Variants in FADS2 observed in about 807,000 individuals in gnomAD.
FADS2 encodes fatty acid desaturase 2, also known as acyl-CoA 6-desaturase.
A neutral mutation model predicts 61.2 loss-of-function variants in FADS2; 18 were observed. That is an observed-to-expected ratio of 0.29 (90% CI 0.20 to 0.44). The LOEUF (loss-of-function observed/expected upper bound fraction) is 0.44. Among genes scored for constraint, FADS2 ranks in the 20% least tolerant of loss-of-function variants. The pLI is 1.00. For synonymous variants in FADS2, 203 were observed against 223.9 expected (o/e 0.91, Z 0.83); for missense variants, 322 against 572.7 (o/e 0.56, Z 4.47).
At chr11:61,817,100 C>A in intron 1 of FADS2, 1 of 692,128 alleles carries the variant, frequency 1.4e-6, no homozygotes, top group Non-Finnish European at 2.1e-6. Flanking sequence ...CAGGGGGCGC[C>A]GCGGTAGGAA....
chr11:61,848,596 C>T (rs2067280779), intron 5 of FADS2: 1 of 320,452 alleles, frequency 3.1e-6, no homozygotes, highest in Non-Finnish European at 5.9e-6. Flanking sequence ...CCTGTAAATA[C>T]AGACACAGCT....
In FADS2 at chr11:61,866,918, C is replaced by G. The variant is rs1415612652; in HGVS notation, c.*1229C>G. On this transcript the variant is annotated 3_prime_UTR_variant, in exon 12 of 12. Transcript: ENST00000278840. ...AGCGGGAGGGAGTCTCAGGAGGAGG[C>G]TGCCCTGAGGGGCTGGGGAGGGGGT... is the stretch of plus-strand genomic sequence containing the variant. 6.6e-6 allele frequency: 1 copy of G among 152,580 alleles called. No individual in the cohort carries two copies. Among genetic ancestry groups the G allele is most frequent in the African/African-American group, 2.4e-5 (1 of 41,350 alleles). 9.5% of individuals were successfully genotyped at this position (152,580 alleles called of 1,614,324 possible).
At chr11:61,836,490 C>G (rs1432425719) in intron 1 of FADS2, among the ~76,000 whole-genome samples, 3 of 152,178 alleles carry the variant, frequency 2.0e-5, no homozygotes, top group Admixed American at 6.5e-5. Context: ...CCTCAGCCTC[C>G]CGAGTAACTG....
upstream of FADS2, among the ~76,000 whole-genome samples, chr11:61,823,442 A>G (rs1307138548): frequency 6.6e-6 from 1 of 152,198 alleles, no homozygotes; most frequent in Non-Finnish European, 1.5e-5. Flanking sequence ...AGCACTAGCA[A>G]TCTGTGCTTT....
At chr11:61,828,123 A>G (rs1012624556), upstream of FADS2, 28 of 1,363,250 alleles carry the variant, frequency 2.1e-5, no homozygotes, top group East Asian at 6.0e-5. The surrounding 1 kb of genome is among the most constrained non-coding windows in gnomAD (Gnocchi z 6.4). Flanking sequence ...GCAAAAGTCC[A>G]TAGCGGGAGG....
chr11:61,842,602 C>T (rs927187520), intron 4 of FADS2, among the ~76,000 whole-genome samples: 3 of 152,140 alleles, frequency 2.0e-5, no homozygotes, highest in South Asian at 2.1e-4. Flanking sequence ...CCATGTAGAA[C>T]GTGGATGACA....
rs766551577 is a variant in FADS2 at position 61,857,514 on chromosome 11, T to C, written c.866T>C (p.Val289Ala). 2 of 1,613,746 alleles carry C rather than the reference T, an allele frequency of 1.2e-6. No individual in the cohort carries two copies. The highest frequency in any genetic ancestry group is 4.5e-5 in the East Asian group (2 of 44,890). ...FQYQIIMTMI[V>A]HKNWVDLAWA... ...TACCAGATCATCATGACCATGATCG[T>C]CCATAAGAACTGGGTGGTGAGTTGG... Residue 289 changes from valine (V) to alanine (A), a missense_variant, in exon 7 of 12, where the codon GTC (valine) becomes GCC (alanine). By Grantham distance (64) the Val-to-Ala change is moderately conservative. This residue lies in a region of FADS2 where 221 missense variants were observed against 427.9 expected (regional missense o/e 0.52). Coordinates refer to ENST00000278840, the MANE Select transcript of FADS2 (RefSeq NM_004265.4).
chr11:61,839,707 C>T (rs998871691), intron 2 of FADS2, among the ~76,000 whole-genome samples: 1 of 152,246 alleles, frequency 6.6e-6, no homozygotes, highest in Non-Finnish European at 1.5e-5. Flanking sequence ...TCACCACCAT[C>T]CAGTTCTCAT....
chr11:61,865,458 C>A lies in FADS2; in HGVS notation c.1284-180C>A. On this transcript the variant is annotated intron_variant, in intron 11 of 11. Transcript: ENST00000278840. The surrounding 1 kb of genome is among the most constrained non-coding windows in gnomAD (Gnocchi z 4.1). Reference sequence around the variant, plus strand: ...TGGGCTGCGAGAAGACCATCCCTTTCTGTGTGGGGTTCCTGGTGGGCTCTG... The same window carrying A: ...TGGGCTGCGAGAAGACCATCCCTTTATGTGTGGGGTTCCTGGTGGGCTCTG... 1 of 961,610 alleles carries A rather than the reference C, an allele frequency of 1.0e-6. No homozygotes were observed. Among genetic ancestry groups the A allele is most frequent in the Non-Finnish European group, 1.5e-6 (1 of 645,942 alleles). The allele number at this position is 961,610 out of a possible 1,614,324, so 59.6% of individuals were successfully genotyped here. A position where few individuals can be genotyped will look rare whatever the true frequency, so the allele number is the denominator to read the frequency against.
chr11:61,827,130 TC>T (rs34412398), upstream of FADS2, among the ~76,000 whole-genome samples: 1 of 151,730 alleles, frequency 6.6e-6, no homozygotes, highest in Non-Finnish European at 1.5e-5. This position sits in a 1 kb window ranked among gnomAD's most constrained non-coding sequence, Gnocchi z 4.5. Flanking sequence ...CAGGCCCATT[TC>T]CCCCAGGACG....
At position 61,837,881 on chromosome 11, in the gene FADS2, G is replaced by C; in HGVS notation, c.311G>C (p.Gly104Ala). 6.2e-7 allele frequency: 1 copy of C among 1,612,020 alleles called. No individual in the cohort carries two copies. Among genetic ancestry groups the C allele is most frequent in the East Asian group, 2.2e-5 (1 of 44,826 alleles). Residue 104 changes from glycine to alanine, a missense_variant, in exon 2 of 12, where the codon GGC becomes GCC. By Grantham distance (60) the Gly-to-Ala change is moderately conservative (BLOSUM62 0). This residue lies in a region of FADS2 where 40 missense variants were observed against 37.3 expected (regional missense o/e 1.07). Transcript: ENST00000278840. ...LAPEEPSQDH[G>A]KNSKITEDFR... ...CCGGAGGAGCCCAGCCAGGACCACG[G>C]CAAGAACGTAAGTCTGGCTTGCAAC...
In FADS2 at chr11:61,828,413, G is replaced by A. The variant is rs764798374; in HGVS notation, c.23G>A (p.Gly8Asp). The A allele has an allele frequency of 9.5e-6, 15 of 1,573,428 alleles. No homozygotes were observed. The highest frequency in any genetic ancestry group is 3.6e-4 in the Middle Eastern group (2 of 5,482). MGKGGNQ[G>D]EGAAEREVSV... is the part of the protein sequence containing the mutation. ...AGCATGGGGAAGGGAGGGAACCAGG[G>A]CGAGGGGGCCGCCGAGCGCGAGGTG... is the stretch of plus-strand genomic sequence containing the variant. Residue 8 changes from glycine (G) to aspartate (D), a missense_variant, in exon 1 of 12, where the codon GGC (glycine) becomes GAC (aspartate). Transcript: ENST00000278840. The surrounding 1 kb of genome is among the most constrained non-coding windows in gnomAD (Gnocchi z 6.4).
upstream of FADS2, chr11:61,828,042 G>A (rs2067097455): frequency 1.7e-6 from 2 of 1,171,550 alleles, no homozygotes; most frequent in Non-Finnish European, 1.1e-6. The surrounding 1 kb of genome is among the most constrained non-coding windows in gnomAD (Gnocchi z 6.4). Context: ...TGGAACCCGA[G>A]GCGGGGGGAG....
chr11:61,857,021 A>G lies in FADS2; in HGVS notation c.755A>G (p.Lys252Arg), dbSNP rs569870366. The change falls in exon 6 of 12, where the codon AAG (lysine) becomes AGG (arginine). Residue 252 changes from lysine to arginine, a missense_variant. By Grantham distance (26) the Lys-to-Arg change is conservative. Transcript: ENST00000278840. ...GEWQPIEYGK[K>R]KLKYLPYNHQ... ...CTCCTCTCTCCTCAGTACGGCAAGA[A>G]GAAGCTGAAATACCTGCCCTACAAT... The G allele has an allele frequency of 1.9e-6, 3 of 1,613,996 alleles. No homozygotes were observed. The highest frequency in any genetic ancestry group is 4.5e-5 in the East Asian group (2 of 44,874).
Position 61,840,331 on chromosome 11 carries a change from C to T in FADS2, c.319-3C>T. On this transcript the variant is annotated splice_polypyrimidine_tract_variant and splice_region_variant and intron_variant, in intron 2 of 11. Coordinates refer to ENST00000278840, the MANE Select transcript of FADS2 (RefSeq NM_004265.4). ...CTCCTTTCCCTGTGCTCTTGGTCAA[C>T]AGTCAAAGATCACTGAGGACTTCCG... 6.2e-7 allele frequency: 1 copy of T among 1,613,096 alleles called. No individual in the cohort carries two copies. Among genetic ancestry groups the T allele is most frequent in the Non-Finnish European group, 8.5e-7 (1 of 1,179,194 alleles).
chr11:61,861,669 C>CA (rs2067417893), intron 7 of FADS2, among the ~76,000 whole-genome samples: 1 of 152,208 alleles, frequency 6.6e-6, no homozygotes, highest in Non-Finnish European at 1.5e-5. Context: ...TGCCCTCGGC[C>CA]AATGTTGGCC....
At chr11:61,821,941 T>C (rs2067038855) in intron 1 of FADS2, among the ~76,000 whole-genome samples, 1 of 151,720 alleles carries the variant, frequency 6.6e-6, no homozygotes, top group Admixed American at 6.6e-5. Flanking sequence ...GGCAGGCTCA[T>C]GGAGGAATTC....
chr11:61,857,608 T>C, intron 7 of FADS2, 78 bp downstream of exon 7: 1 of 1,281,668 alleles, frequency 7.8e-7, no homozygotes, highest in Non-Finnish European at 1.1e-6. Context: ...CTACGCTGCC[T>C]CCTCGTGTGC....
chr11:61,862,737 GA>G, intron 7 of FADS2: 1 of 540,236 alleles, frequency 1.9e-6, no homozygotes, highest in Non-Finnish European at 3.3e-6. Flanking sequence ...TTTCTCTCCC[GA>G]AAAACAGGGC....
Sources: allele counts gnomAD v4.1 joint callset (sites outside exome capture counted in the v4.1 genomes callset), GRCh38; gene constraint gnomAD v4.1.1; regional missense constraint gnomAD v4.1.1; non-coding constraint Gnocchi (gnomAD v3.1); transcripts MANE v1.5; gene names NCBI Gene and HGNC (gene_info 2026-07-23, HGNC 2026-07-21).